The following NUBPL variants were observed in gnomAD, a reference collection of about 807,000 sequenced individuals.
NUBPL encodes NUBP iron-sulfur cluster assembly factor, mitochondrial.
Under a neutral mutation model 45.7 loss-of-function variants are expected in NUBPL, and 31 were observed. That is an observed-to-expected ratio of 0.68 (90% CI 0.51 to 0.92). The LOEUF (loss-of-function observed/expected upper bound fraction) is 0.92, where lower values mean the gene tolerates loss of function less well. NUBPL is among the 40% of genes least tolerant of loss of function. The probability of loss-of-function intolerance (pLI) is 0.00; values close to 1 mark genes in which losing one functional copy is unlikely to be tolerated. For missense variants in NUBPL, 401 were observed against 398.7 expected, an observed-to-expected ratio of 1.01 and a Z score of -0.05; for synonymous variants, 144 against 140.9, an observed-to-expected ratio of 1.02 and a Z score of -0.15.
At chr14:31,573,813 A>C (rs1595299193) in intron 3 of NUBPL, among the ~76,000 whole-genome samples, 1 of 152,044 alleles carries the variant, frequency 6.6e-6, no homozygotes, top group East Asian at 1.9e-4. Flanking sequence ...AACACTTTCT[A>C]TATTATTTTA....
At chr14:31,694,178 A>C (rs1301427126) in intron 6 of NUBPL, among the ~76,000 whole-genome samples, 2 of 152,178 alleles carry the variant, frequency 1.3e-5, no homozygotes, top group African/African-American at 4.8e-5. Context: ...CTTTCTATAT[A>C]ATATAGTTCA....
intron 6 of NUBPL, among the ~76,000 whole-genome samples, chr14:31,749,392 A>T (rs1302514332): frequency 6.6e-6 from 1 of 152,192 alleles, no homozygotes; most frequent in Non-Finnish European, 1.5e-5. Context: ...AGCTGGTCTT[A>T]TGGTGATGAA....
chr14:31,597,704 A>G (rs1448062497), intron 3 of NUBPL, among the ~76,000 whole-genome samples: 1 of 152,172 alleles, frequency 6.6e-6, no homozygotes, highest in Non-Finnish European at 1.5e-5. Context: ...AGAGAATTTT[A>G]AAATAGCTTT....
intron 1 of NUBPL, 136 bp from the exon 2 acceptor site, chr14:31,561,932 G>A: frequency 4.9e-6 from 4 of 818,816 alleles, no homozygotes; most frequent in Non-Finnish European, 7.9e-6. Context: ...GTAGGTAAAT[G>A]TCTCCATAGT....
intron 4 of NUBPL, among the ~76,000 whole-genome samples, chr14:31,600,187 G>T (rs1456187182): frequency 6.6e-6 from 1 of 152,196 alleles, no homozygotes; most frequent in South Asian, 2.1e-4. Flanking sequence ...CTCAAAAAAT[G>T]CTGGGATTAC....
At chr14:31,762,096 T>C (rs1393719001) in intron 6 of NUBPL, among the ~76,000 whole-genome samples, 1 of 152,216 alleles carries the variant, frequency 6.6e-6, no homozygotes, top group East Asian at 1.9e-4. Context: ...GCTAGGTTTT[T>C]GGGAAAAGGA....
At chr14:31,745,065 A>T (rs4981896) in intron 6 of NUBPL, among the ~76,000 whole-genome samples, 75 of 92,698 alleles carry the variant, frequency 8.1e-4, no homozygotes, top group African/African-American at 3.7e-3. Flanking sequence ...TATTTTTATT[A>T]TTATACTTTA....
chr14:31,849,926 A>C, intron 9 of NUBPL, 193 bp from the exon 10 acceptor site: 1 of 616,252 alleles, frequency 1.6e-6, no homozygotes, highest in Non-Finnish European at 2.9e-6. Context: ...CAATCACTGT[A>C]CTACTCTAAA....
chr14:31,677,011 TA>T (rs1413084504), intron 6 of NUBPL, among the ~76,000 whole-genome samples: 1 of 151,950 alleles, frequency 6.6e-6, no homozygotes, highest in African/African-American at 2.4e-5. Flanking sequence ...AGAATGTATT[TA>T]TTTTTTTTTC....
chr14:31,846,387 G>A (rs192612549), intron 8 of NUBPL, 84 bp from the exon 9 acceptor site: 1 of 1,087,766 alleles, frequency 9.2e-7, no homozygotes, highest in East Asian at 2.6e-5. Flanking sequence ...CTAGAACTCA[G>A]TAGGCACTCT....
chr14:31,737,907 A>T lies in NUBPL; in HGVS notation c.514-49873A>T, dbSNP rs868164374. On this transcript the variant is annotated intron_variant, in intron 6 of 10. Coordinates refer to ENST00000281081, the MANE Select transcript of NUBPL (RefSeq NM_025152.3). ...GAACCAATAATTCTTCTATTTCTGA[A>T]TTTTTTTGTTTTATTTATTCTTTCT... Among the ~76,000 whole-genome samples, 11 of 152,132 alleles carry T rather than the reference A, an allele frequency of 7.2e-5. No individual in the cohort carries two copies. In the Middle Eastern group the frequency reaches 0.014, roughly 189 times the overall value.
In NUBPL at chr14:31,846,953, C is replaced by CA. The variant is rs1191004180; in HGVS notation, c.814+372dup. 1.9e-3 allele frequency among the ~76,000 whole-genome samples: 260 copies of CA among 136,472 alleles called. 2 individuals are homozygous for CA. Among genetic ancestry groups the CA allele is most frequent in the African/African-American group, 3.9e-3 (147 of 38,128 alleles). 89.5% of individuals were successfully genotyped at this position (136,472 alleles called of 152,430 possible). A position where few individuals can be genotyped will look rare whatever the true frequency, so the allele number is the denominator to read the frequency against. ...CCTGGGTGACAGAGTGAGACTCCAT[C>CA]AAAAAAAAAACAAAAAACAAAAAAC... On this transcript the variant is annotated intron_variant, in intron 9 of 10. Transcript: ENST00000281081.
At chr14:31,765,161 C>T (rs1043111326) in intron 6 of NUBPL, among the ~76,000 whole-genome samples, 8 of 152,286 alleles carry the variant, frequency 5.3e-5, no homozygotes, top group Non-Finnish European at 1.2e-4. Flanking sequence ...CTGACTTCTG[C>T]TTACTTCTTA....
chr14:31,718,719 T>C (rs1006420926), intron 6 of NUBPL, among the ~76,000 whole-genome samples: 1 of 152,194 alleles, frequency 6.6e-6, no homozygotes, highest in Non-Finnish European at 1.5e-5. Flanking sequence ...TAGGTCAGGA[T>C]TTCTTCATAA....
chr14:31,616,007 T>G (rs1355405478), intron 4 of NUBPL, among the ~76,000 whole-genome samples: 1 of 152,254 alleles, frequency 6.6e-6, no homozygotes, highest in African/African-American at 2.4e-5. Flanking sequence ...TGAGATGATA[T>G]CTCATTGTGG....
rs1377509064 is a variant in NUBPL at position 31,567,648 on chromosome 14, C to CA, written c.291+2608dup. 2.1e-3 allele frequency among the ~76,000 whole-genome samples: 322 copies of CA among 150,954 alleles called. 1 individual carries two copies. Among genetic ancestry groups the CA allele is most frequent in the African/African-American group, 7.3e-3 (302 of 41,216 alleles). On this transcript the variant is annotated intron_variant, in intron 3 of 10. Transcript: ENST00000281081. ...ATTTCTTATTTTCCACTTGCTGTTC[C>CA]AAAAAAAAGGTTGTACCATTCTCTT...
intron 6 of NUBPL, among the ~76,000 whole-genome samples, chr14:31,678,438 A>T (rs529648622): frequency 2.4e-4 from 36 of 152,286 alleles, no homozygotes; most frequent in African/African-American, 8.2e-4. Flanking sequence ...GTCTCACCCA[A>T]AGGACCGTGG....
rs886050467 is a variant in NUBPL, at chr14:31,860,330, CG to C, written c.*1155del. On this transcript the variant is annotated 3_prime_UTR_variant, in exon 11 of 11. Transcript: ENST00000281081. ...AAAAAAAAAAAAAAAAAAAAAAAGT[CG>C]GGGGAGATGCAATATTTAGCATTTC... The C allele has an allele frequency of 7.6e-6, 1 of 132,304 alleles. No homozygotes were observed. Among genetic ancestry groups the C allele is most frequent in the African/African-American group, 2.8e-5 (1 of 36,170 alleles). 8.2% of individuals were successfully genotyped at this position (132,304 alleles called of 1,614,324 possible).
At chr14:31,764,882 A>C (rs2038882784) in intron 6 of NUBPL, among the ~76,000 whole-genome samples, 1 of 152,090 alleles carries the variant, frequency 6.6e-6, no homozygotes, top group African/African-American at 2.4e-5. Flanking sequence ...TTATGTGTTC[A>C]TTTCTTTCTC....
Sources: allele counts gnomAD v4.1 joint callset (sites outside exome capture counted in the v4.1 genomes callset), GRCh38; gene constraint gnomAD v4.1.1; transcripts MANE v1.5; gene names NCBI Gene and HGNC (gene_info 2026-07-23, HGNC 2026-07-21).